Variants in BMPR1B observed in about 807,000 individuals in gnomAD.
BMPR1B encodes bone morphogenetic protein receptor type 1B.
A neutral mutation model predicts 59.1 loss-of-function variants in BMPR1B; 12 were observed. That is an observed-to-expected ratio of 0.20 (90% CI 0.13 to 0.33). The LOEUF (loss-of-function observed/expected upper bound fraction) is 0.33, where lower values mean the gene tolerates loss of function less well. Ranked by LOEUF, BMPR1B falls within the 10% of genes least tolerant of loss-of-function variation. The pLI is 1.00. For missense variants in BMPR1B, 550 were observed against 610.9 expected (o/e 0.90, Z 1.05); for synonymous variants, 237 against 207.3 (o/e 1.14, Z -1.23).
intron 2 of BMPR1B, among the ~76,000 whole-genome samples, chr4:94,977,033 T>G (rs1220829061): frequency 5.9e-5 from 9 of 152,362 alleles, no homozygotes; most frequent in African/African-American, 2.2e-4. Context: ...TTGTATTGTC[T>G]TTGTTTCCTT....
chr4:95,113,262 C>T (rs1731762350), intron 4 of BMPR1B, among the ~76,000 whole-genome samples: 1 of 152,118 alleles, frequency 6.6e-6, no homozygotes, highest in African/African-American at 2.4e-5. Flanking sequence ...AATATTCATG[C>T]TTTTTGACCT....
chr4:94,990,246 G>T (rs1867541), intron 2 of BMPR1B, among the ~76,000 whole-genome samples: 144,818 of 152,092 alleles, frequency 0.95, 68,992 homozygotes, highest in Middle Eastern at 0.98. Context: ...TCCCAGCTAC[G>T]TGGGAGGCTG....
rs763901668 is a variant in BMPR1B, at chr4:95,058,940, G to A, written c.-17-45468G>A. Among the ~76,000 whole-genome samples the A allele has an allele frequency of 6.6e-4, 100 of 152,220 alleles. 1 individual carries two copies. The highest frequency in any genetic ancestry group is 3.4e-3 in the Middle Eastern group (1 of 294). On this transcript the variant is annotated intron_variant, in intron 3 of 12. Transcript: ENST00000515059. The stretch of plus-strand genomic sequence containing the variant: ...CTGAATATTTGTCTTGGTTAGAGTT[G>A]ATATGCTCAAATATGTGTTGTTTTC...
chr4:94,895,033 G>A (rs1727532894), intron 2 of BMPR1B, among the ~76,000 whole-genome samples: 1 of 147,480 alleles, frequency 6.8e-6, no homozygotes, highest in Non-Finnish European at 1.5e-5. Context: ...GAAGAAAATA[G>A]TTAATATTAA....
intron 2 of BMPR1B, among the ~76,000 whole-genome samples, chr4:94,979,153 G>C (rs1383139915): frequency 6.6e-6 from 1 of 151,974 alleles, no homozygotes; most frequent in African/African-American, 2.4e-5. Context: ...TTCATGACAC[G>C]TGGGGATTAT....
intron 4 of BMPR1B, among the ~76,000 whole-genome samples, chr4:95,109,235 C>G (rs889970330): frequency 2.6e-5 from 4 of 152,040 alleles, no homozygotes; most frequent in Non-Finnish European, 5.9e-5. Flanking sequence ...ATTCTCCTGC[C>G]TGGGCAGTTT....
chr4:95,145,748 A>C (rs1195518671), intron 10 of BMPR1B, among the ~76,000 whole-genome samples: 1 of 152,238 alleles, frequency 6.6e-6, no homozygotes, highest in African/African-American at 2.4e-5. Context: ...CTGACACTTT[A>C]CAGTATCAGA....
rs1220033638 is a variant in BMPR1B at position 94,977,722 on chromosome 4, T to G, written c.-112-18318T>G. Among the ~76,000 whole-genome samples, 3 of 152,218 alleles carry G rather than the reference T, an allele frequency of 2.0e-5. No individual in the cohort carries two copies. The South Asian group carries it at 6.2e-4, about 32-fold the overall frequency. ...AAATACAAAAATTAGCTGGGCATGG[T>G]GGCGCGTGCCTGCAGTCCCAGCTAG... is the stretch of plus-strand genomic sequence containing the variant. On this transcript the variant is annotated intron_variant, in intron 2 of 12. Transcript: ENST00000515059.
At chr4:95,148,439 T>C (rs777555712) in intron 10 of BMPR1B, among the ~76,000 whole-genome samples, 8 of 152,036 alleles carry the variant, frequency 5.3e-5, no homozygotes, top group Admixed American at 1.3e-4. Context: ...TTTTAAGAGA[T>C]GGCATCTCAC....
At chr4:95,004,703 A>G (rs746311163) in intron 3 of BMPR1B, among the ~76,000 whole-genome samples, 2 of 152,166 alleles carry the variant, frequency 1.3e-5, no homozygotes, top group Non-Finnish European at 2.9e-5. Context: ...AAATTAATGT[A>G]TCATTATTCC....
chr4:94,998,339 A>G (rs1016825580), intron 3 of BMPR1B, among the ~76,000 whole-genome samples: 3 of 149,734 alleles, frequency 2.0e-5, no homozygotes, highest in African/African-American at 4.9e-5. Context: ...CTAGAGTCAT[A>G]TTTGTTCTAC....
At chr4:94,908,971 G>C (rs1728173058) in intron 2 of BMPR1B, among the ~76,000 whole-genome samples, 1 of 152,038 alleles carries the variant, frequency 6.6e-6, no homozygotes, top group Non-Finnish European at 1.5e-5. Context: ...AAATGAAGGT[G>C]TTGGCAGGGC....
intron 3 of BMPR1B, among the ~76,000 whole-genome samples, chr4:95,086,782 C>T (rs893356348): frequency 2.0e-5 from 3 of 152,102 alleles, no homozygotes; most frequent in African/African-American, 7.2e-5. Context: ...AGATTCCAGG[C>T]TAACCTTTAT....
rs572546017 is a variant in BMPR1B, at chr4:95,082,899, G to A, written c.-17-21509G>A. Among the ~76,000 whole-genome samples, 293 of 151,880 alleles carry A rather than the reference G, an allele frequency of 1.9e-3. 1 individual carries two copies. Among genetic ancestry groups the A allele is most frequent in the Middle Eastern group, 0.01 (3 of 294 alleles). ...TAAAAATACAAAAAATTAGCCGGGT[G>A]TGGTGGCGGGCGCCTGTAGTCCCAG... On this transcript the variant is annotated intron_variant, in intron 3 of 12. Transcript: ENST00000515059.
intron 2 of BMPR1B, among the ~76,000 whole-genome samples, chr4:94,884,198 TTAAC>T (rs1727083914): frequency 6.6e-6 from 1 of 152,164 alleles, no homozygotes; most frequent in Non-Finnish European, 1.5e-5. Context: ...AGTAAACGTC[TTAAC>T]TAACTGCCTA....
At chr4:95,126,863 T>C (rs994135245) in intron 8 of BMPR1B, among the ~76,000 whole-genome samples, 12 of 152,222 alleles carry the variant, frequency 7.9e-5, no homozygotes, top group African/African-American at 2.9e-4. Flanking sequence ...TGATTTGTTA[T>C]TAATTTTAAT....
At chr4:94,942,646 A>G (rs763838221) in intron 2 of BMPR1B, among the ~76,000 whole-genome samples, 2 of 152,242 alleles carry the variant, frequency 1.3e-5, no homozygotes, top group African/African-American at 2.4e-5. Flanking sequence ...AACAGATACT[A>G]TGTTAAAATG....
intron 10 of BMPR1B, among the ~76,000 whole-genome samples, chr4:95,141,563 C>T (rs879595197): frequency 1.3e-5 from 2 of 152,094 alleles, no homozygotes; most frequent in Admixed American, 6.5e-5. Context: ...ACGTAAGTGC[C>T]GATGCATTTC....
intron 3 of BMPR1B, among the ~76,000 whole-genome samples, chr4:95,083,037 CAAAA>C (rs1171888403): frequency 1.2e-4 from 7 of 60,640 alleles, no homozygotes; most frequent in African/African-American, 1.4e-4. Flanking sequence ...TACTCTGTCT[CAAAA>C]AAAAAAAAAA....
Sources: allele counts gnomAD v4.1 joint callset (sites outside exome capture counted in the v4.1 genomes callset), GRCh38; gene constraint gnomAD v4.1.1; transcripts MANE v1.5; gene names NCBI Gene and HGNC (gene_info 2026-07-23, HGNC 2026-07-21).